Variants in SUCLG2 observed in about 807,000 individuals in gnomAD.
SUCLG2 encodes the protein succinate--CoA ligase [GDP-forming] subunit beta, mitochondrial.
A neutral mutation model predicts 47.9 loss-of-function variants in SUCLG2; 42 were observed. The observed-to-expected ratio is 0.88, with a 90% CI of 0.69 to 1.14. SUCLG2 has a LOEUF of 1.14. Ranked by LOEUF, SUCLG2 falls within the 50% of genes most tolerant of loss-of-function variation. The pLI is 0.00. For missense variants in SUCLG2, 571 were observed against 525.9 expected, an observed-to-expected ratio of 1.09 and a Z score of -0.84; for synonymous variants, 195 against 197.3, an observed-to-expected ratio of 0.99 and a Z score of 0.10.
chr3:67,634,123 C>A (rs1700969894), intron 1 of SUCLG2, among the ~76,000 whole-genome samples: 1 of 152,294 alleles, frequency 6.6e-6, no homozygotes, highest in East Asian at 1.9e-4. Flanking sequence ...AACTTCCTTT[C>A]GTATCCACAT....
chr3:67,611,227 G>T (rs1328670142), intron 1 of SUCLG2, among the ~76,000 whole-genome samples: 9 of 152,200 alleles, frequency 5.9e-5, no homozygotes, highest in African/African-American at 1.7e-4. Context: ...CCTTGTAGCT[G>T]CTGGTAATGA....
chr3:67,391,613 T>C (rs1575664329), intron 10 of SUCLG2, among the ~76,000 whole-genome samples: 2 of 152,172 alleles, frequency 1.3e-5, no homozygotes, highest in African/African-American at 2.4e-5. Flanking sequence ...CCTCGGTAGA[T>C]TGACTGTGGG....
chr3:67,555,025 C>A (rs1446422296), intron 2 of SUCLG2, among the ~76,000 whole-genome samples: 1 of 151,972 alleles, frequency 6.6e-6, no homozygotes, highest in African/African-American at 2.4e-5. Context: ...CTGACAGCAC[C>A]CCAAAACTGA....
chr3:67,434,533 CAAT>C (rs1703568691), intron 9 of SUCLG2, among the ~76,000 whole-genome samples: 1 of 151,986 alleles, frequency 6.6e-6, no homozygotes, highest in Non-Finnish European at 1.5e-5. Flanking sequence ...ACAACAACAA[CAAT>C]AACAACAATG....
At chr3:67,584,298 G>A (rs1301404954) in intron 2 of SUCLG2, among the ~76,000 whole-genome samples, 1 of 152,144 alleles carries the variant, frequency 6.6e-6, no homozygotes, top group African/African-American at 2.4e-5. Flanking sequence ...CTCGACACAA[G>A]AGACCACATG....
intron 1 of SUCLG2, among the ~76,000 whole-genome samples, chr3:67,645,440 T>G (rs1458754337): frequency 6.6e-6 from 1 of 152,142 alleles, no homozygotes; most frequent in Non-Finnish European, 1.5e-5. Flanking sequence ...TATTCAACAC[T>G]CAGCCATTCA....
chr3:67,650,306 C>G (rs529828259), intron 1 of SUCLG2, among the ~76,000 whole-genome samples: 330 of 152,382 alleles, frequency 2.2e-3, no homozygotes, highest in Non-Finnish European at 4.3e-3. Flanking sequence ...TCTCCTCCCA[C>G]TTCCGTAAAG....
chr3:67,449,239 T>C, intron 9 of SUCLG2, among the ~76,000 whole-genome samples: 1 of 152,180 alleles, frequency 6.6e-6, no homozygotes, highest in South Asian at 2.1e-4. Flanking sequence ...TATGTGAATG[T>C]TTTCCAAAAG....
At chr3:67,507,320 A>G (rs1705664904) in intron 7 of SUCLG2, among the ~76,000 whole-genome samples, 2 of 152,202 alleles carry the variant, frequency 1.3e-5, no homozygotes, top group South Asian at 4.1e-4. Flanking sequence ...CTTCCTAAAC[A>G]TAAAATCTTT....
In SUCLG2 at chr3:67,469,661, G is replaced by A. The variant is rs184782400; in HGVS notation, c.1062+26137C>T. On this transcript the variant is annotated intron_variant, in intron 9 of 10. Transcript: ENST00000307227. ...GGAAAATCACTTGAACCCAGGAGGC[G>A]GAGGTTGCAGTGAGACGAGACTGTA... Among the ~76,000 whole-genome samples the A allele has an allele frequency of 4.6e-3, 704 of 152,028 alleles. 8 individuals carry two copies. Among genetic ancestry groups the A allele is most frequent in the African/African-American group, 0.016 (663 of 41,460 alleles).
At chr3:67,395,201 T>A (rs1372038824) in intron 10 of SUCLG2, among the ~76,000 whole-genome samples, 1 of 151,946 alleles carries the variant, frequency 6.6e-6, no homozygotes, top group African/African-American at 2.4e-5. Flanking sequence ...ATGGACTAAA[T>A]GCTCCAATTA....
chr3:67,528,722 G>C (rs1264147563), intron 3 of SUCLG2, among the ~76,000 whole-genome samples: 1 of 152,188 alleles, frequency 6.6e-6, no homozygotes, highest in East Asian at 1.9e-4. Context: ...GACTATCAGA[G>C]GGGAGGTACC....
chr3:67,479,943 G>A (rs1022727898), intron 9 of SUCLG2, among the ~76,000 whole-genome samples: 13 of 152,022 alleles, frequency 8.6e-5, no homozygotes, highest in African/African-American at 2.9e-4. Flanking sequence ...TTCTCATCTG[G>A]GTAACAAAGT....
At chr3:67,517,840 A>C (rs944312114) in intron 6 of SUCLG2, among the ~76,000 whole-genome samples, 1 of 152,192 alleles carries the variant, frequency 6.6e-6, no homozygotes, top group Non-Finnish European at 1.5e-5. Flanking sequence ...ACTTTTACAC[A>C]TTATTCTACT....
intron 4 of SUCLG2, among the ~76,000 whole-genome samples, chr3:67,524,780 T>C (rs892846755): frequency 1.3e-5 from 2 of 152,146 alleles, no homozygotes; most frequent in South Asian, 4.1e-4. Context: ...GAAGGGAGAC[T>C]AGCTAGGGAG....
intron 2 of SUCLG2, among the ~76,000 whole-genome samples, chr3:67,602,987 C>T (rs1478453749): frequency 2.6e-5 from 4 of 152,134 alleles, no homozygotes; most frequent in Admixed American, 2.0e-4. Context: ...GGCAGGCACA[C>T]AATCAAATCA....
At chr3:67,472,301 CAA>C (rs1704624266) in intron 9 of SUCLG2, among the ~76,000 whole-genome samples, 1 of 152,128 alleles carries the variant, frequency 6.6e-6, no homozygotes, top group African/African-American at 2.4e-5. Context: ...TTTTAAAAAA[CAA>C]GACCATGTTT....
In SUCLG2 at chr3:67,495,848, T is replaced by C; in HGVS notation, c.1012A>G (p.Lys338Glu). The change falls in exon 9 of 11, where the codon AAG becomes GAG. Residue 338 changes from lysine to glutamate, a missense_variant. Transcript: ENST00000307227. ...ANFLDLGGGV[K>E]EAQVYQAFKL... ...AATGCTTGATATACTTGAGCTTCCT[T>C]TACACCACCTCCAAGATCCAAGAAG... 2 of 1,613,964 alleles carry C rather than the reference T, an allele frequency of 1.2e-6. No individual in the cohort carries two copies. The highest frequency in any genetic ancestry group is 1.7e-6 in the Non-Finnish European group (2 of 1,179,944).
intron 9 of SUCLG2, among the ~76,000 whole-genome samples, chr3:67,451,597 G>A (rs1704058380): frequency 6.6e-6 from 1 of 151,764 alleles, no homozygotes; most frequent in Non-Finnish European, 1.5e-5. Context: ...ATCATCAATG[G>A]AAGGATATTC....
Sources: allele counts gnomAD v4.1 joint callset (sites outside exome capture counted in the v4.1 genomes callset), GRCh38; gene constraint gnomAD v4.1.1; transcripts MANE v1.5; gene names NCBI Gene and HGNC (gene_info 2026-07-23, HGNC 2026-07-21).